COG6: variants seen among roughly 807,000 people sequenced by gnomAD.
COG6 encodes conserved oligomeric Golgi complex subunit 6.
Under a neutral mutation model 88.8 loss-of-function variants are expected in COG6, and 74 were observed. The observed-to-expected ratio is 0.83, with a 90% CI of 0.69 to 1.01. The LOEUF is 1.01. Among genes scored for constraint, COG6 ranks in the 50% least tolerant of loss-of-function variants. The probability of loss-of-function intolerance (pLI) is 0.00; values close to 1 mark genes in which losing one functional copy is unlikely to be tolerated. For synonymous variants in COG6, 286 were observed against 278.7 expected (o/e 1.03, Z -0.26); for missense variants, 800 against 797.9 (o/e 1.00, Z -0.03).
intron 13 of COG6, among the ~76,000 whole-genome samples, chr13:39,718,387 A>C (rs1320554082): frequency 6.6e-6 from 1 of 152,110 alleles, no homozygotes; most frequent in Non-Finnish European, 1.5e-5. Context: ...ATTTTTAAAA[A>C]ATTTACAAAA....
intron 18 of COG6, among the ~76,000 whole-genome samples, chr13:39,775,477 C>G (rs1881436867): frequency 6.6e-6 from 1 of 152,198 alleles, no homozygotes; most frequent in Admixed American, 6.5e-5. Flanking sequence ...ACGAGGACAT[C>G]TGGGATCCAG....
intron 1 of COG6, 50 bp from the exon 2 acceptor site, chr13:39,659,314 A>G (rs536442492): frequency 1.5e-4 from 231 of 1,557,040 alleles, no homozygotes; most frequent in Non-Finnish European, 1.9e-4. Flanking sequence ...GAGATTTGAA[A>G]CCATTTAAAA....
intron 6 of COG6, 151 bp from the exon 7 acceptor site, chr13:39,679,823 AT>A (rs1876203804): frequency 1.5e-6 from 1 of 677,960 alleles, no homozygotes; most frequent in Non-Finnish European, 2.6e-6. Flanking sequence ...AAAATGTGAC[AT>A]TTATTTAATT....
chr13:39,752,157 C>A lies in COG6; in HGVS notation c.*1064C>A. ...TGACATTCTTGTCAGCAAAAAAAAACTTAATTTCTAGTAAATCTATAAAAA... is the reference window on the plus strand; with the variant it reads ...TGACATTCTTGTCAGCAAAAAAAAAATTAATTTCTAGTAAATCTATAAAAA... On this transcript the variant is annotated 3_prime_UTR_variant, in exon 19 of 19. Coordinates refer to ENST00000455146, the MANE Select transcript of COG6 (RefSeq NM_020751.3). The A allele has an allele frequency of 1.8e-6, 2 of 1,136,800 alleles. No individual in the cohort carries two copies. The highest frequency in any genetic ancestry group is 2.3e-6 in the Non-Finnish European group (2 of 879,774). The allele number at this position is 1,136,800 out of a possible 1,614,324, so 70.4% of individuals were successfully genotyped here. A position where few individuals can be genotyped will look rare whatever the true frequency, so the allele number is the denominator to read the frequency against.
chr13:39,698,089 G>C (rs1312387422), intron 12 of COG6, among the ~76,000 whole-genome samples: 1 of 151,778 alleles, frequency 6.6e-6, no homozygotes, highest in East Asian at 1.9e-4. Context: ...ACAATTATCT[G>C]TACCAGTTAC....
At chr13:39,660,166 T>C (rs984170569) in intron 2 of COG6, among the ~76,000 whole-genome samples, 2 of 152,124 alleles carry the variant, frequency 1.3e-5, no homozygotes, top group Admixed American at 6.5e-5. Context: ...TGAAGACTAA[T>C]ACTTTGGAAA....
intron 18 of COG6, among the ~76,000 whole-genome samples, chr13:39,773,421 C>T (rs1420451858): frequency 6.6e-6 from 1 of 152,172 alleles, no homozygotes; most frequent in Admixed American, 6.5e-5. Flanking sequence ...TACATTTTTC[C>T]ACTAACAGCC....
chr13:39,739,407 G>C (rs925218864), intron 18 of COG6, among the ~76,000 whole-genome samples: 7 of 151,966 alleles, frequency 4.6e-5, no homozygotes, highest in African/African-American at 1.4e-4. Context: ...GAAAGAAAGA[G>C]TTGCAATATT....
intron 8 of COG6, among the ~76,000 whole-genome samples, chr13:39,683,289 A>G (rs997341305): frequency 2.6e-5 from 4 of 152,328 alleles, no homozygotes; most frequent in East Asian, 1.9e-4. Flanking sequence ...GTGTGGCTCA[A>G]GTATTCTGGT....
Position 39,687,486 on chromosome 13 carries a change from T to G in COG6, c.789-17T>G, listed in dbSNP as rs1337380474. On this transcript the variant is annotated splice_polypyrimidine_tract_variant and intron_variant, in intron 8 of 18. Coordinates refer to ENST00000455146, the MANE Select transcript of COG6 (RefSeq NM_020751.3). ...GAAACAACCCCAACCATTTTTTATA[T>G]AACTTGTTTCTTCTAGATATACCTT... is the stretch of plus-strand genomic sequence containing the variant. 4 of 1,610,210 alleles carry G rather than the reference T, an allele frequency of 2.5e-6. No individual in the cohort carries two copies. In the South Asian group the frequency reaches 4.4e-5, roughly 18 times the overall value.
rs549223814 is a variant in COG6 at position 39,701,040 on chromosome 13, A to G, written c.1284+1422A>G. On this transcript the variant is annotated intron_variant, in intron 13 of 18. Coordinates refer to ENST00000455146, the MANE Select transcript of COG6 (RefSeq NM_020751.3). Reference sequence around the variant, plus strand: ...TTGTAAAGTGATGTGTTTTATATATATAAGTGGGGAGGCTAGGTTGGAAAT... The same window carrying G: ...TTGTAAAGTGATGTGTTTTATATATGTAAGTGGGGAGGCTAGGTTGGAAAT... Among the ~76,000 whole-genome samples, 6 of 152,056 alleles carry G rather than the reference A, an allele frequency of 3.9e-5. No homozygotes were observed. The South Asian group carries it at 6.2e-4, about 16-fold the overall frequency.
At chr13:39,729,902 A>G (rs1026630210) in intron 18 of COG6, among the ~76,000 whole-genome samples, 3 of 152,202 alleles carry the variant, frequency 2.0e-5, no homozygotes, top group African/African-American at 7.2e-5. Context: ...AAACTGTTGA[A>G]CCAGCAGTGG....
At chr13:39,737,886 T>C (rs763689272) in intron 18 of COG6, among the ~76,000 whole-genome samples, 1 of 152,128 alleles carries the variant, frequency 6.6e-6, no homozygotes, top group South Asian at 2.1e-4. Flanking sequence ...GCTCCCTCTG[T>C]GGATGCTGGC....
intron 12 of COG6, among the ~76,000 whole-genome samples, chr13:39,694,989 A>ACC (rs1555277424): frequency 2.0e-4 from 29 of 142,862 alleles, no homozygotes; most frequent in Non-Finnish European, 3.0e-4. Context: ...ACACACACAC[A>ACC]CCCCTTATAT....
At chr13:39,693,157 T>A (rs1054197185) in intron 11 of COG6, among the ~76,000 whole-genome samples, 2 of 152,050 alleles carry the variant, frequency 1.3e-5, no homozygotes, top group African/African-American at 4.8e-5. Flanking sequence ...GTCTCCTGAT[T>A]TTCCAGCCTT....
intron 13 of COG6, 84 bp from the exon 14 acceptor site, chr13:39,719,150 CAT>C (rs1878701904): frequency 5.1e-6 from 6 of 1,186,248 alleles, no homozygotes; most frequent in Middle Eastern, 2.0e-4. Context: ...ATAACTTTTA[CAT>C]TTTTTTTTAC....
At position 39,769,023 on chromosome 13, in the gene COG6, A is replaced by G. The variant is rs748068617; in HGVS notation, c.1827-19312A>G. Among the ~76,000 whole-genome samples the G allele has an allele frequency of 3.3e-5, 5 of 152,206 alleles. No individual in the cohort carries two copies. The Middle Eastern group carries it at 0.014, about 414-fold the overall frequency. On this transcript the variant is annotated intron_variant, in intron 18 of 18. Coordinates refer to the COG6 transcript ENST00000416691. ...TTCTGTAATGTTTTTTCCCCACTTA[A>G]CATAATGTTAAGATTCATCTCTGCA...
At chr13:39,730,861 A>T (rs149452643) in intron 18 of COG6, among the ~76,000 whole-genome samples, 1,929 of 148,388 alleles carry the variant, frequency 0.013, 51 homozygotes, top group African/African-American at 0.045. Flanking sequence ...TGGCATTGTC[A>T]CCCAGGCTGG....
At chr13:39,697,561 A>G (rs562328313) in intron 12 of COG6, among the ~76,000 whole-genome samples, 1 of 151,986 alleles carries the variant, frequency 6.6e-6, no homozygotes, top group African/African-American at 2.4e-5. Context: ...TTACTTTCCT[A>G]TGCCCTTATC....
Sources: allele counts gnomAD v4.1 joint callset (sites outside exome capture counted in the v4.1 genomes callset), GRCh38; gene constraint gnomAD v4.1.1; transcripts MANE v1.5; gene names NCBI Gene and HGNC (gene_info 2026-07-23, HGNC 2026-07-21).